Variants in NOS1 observed in about 807,000 individuals in gnomAD.
NOS1 encodes the protein NOS type I.
NOS1 carries 51 observed loss-of-function variants against 164.5 expected under a neutral mutation model. The observed-to-expected ratio is 0.31, with a 90% confidence interval of 0.25 to 0.39. The LOEUF (loss-of-function observed/expected upper bound fraction) is 0.39. NOS1 is among the 10% of genes least tolerant of loss of function. The pLI, the probability that NOS1 is intolerant of heterozygous loss-of-function variation, is 1.00. For missense variants in NOS1, 1,362 were observed against 1,885.6 expected (o/e 0.72, Z 5.14); for synonymous variants, 719 against 745.8 (o/e 0.96, Z 0.59).
rs975982202 is a variant in NOS1 at position 117,213,587 on chromosome 12, T to C, written c.*1722A>G. 3 of 985,382 alleles carry C rather than the reference T, an allele frequency of 3.0e-6. No homozygotes were observed. The highest frequency in any genetic ancestry group is 3.6e-6 in the Non-Finnish European group (3 of 829,970). 61.0% of individuals were successfully genotyped at this position (985,382 alleles called of 1,614,324 possible). The stretch of plus-strand genomic sequence containing the variant: ...TGGCCTGGGCCCTTTGGGGTCTTGG[T>C]GCCCCCACTGTAAAGCCCTTTCAAA... On this transcript the variant is annotated 3_prime_UTR_variant, in exon 29 of 29. Transcript: ENST00000317775.
At chr12:117,215,959 C>A (rs2135916206) in intron 28 of NOS1, among the ~76,000 whole-genome samples, 1 of 146,872 alleles carries the variant, frequency 6.8e-6, no homozygotes, top group African/African-American at 2.5e-5. Flanking sequence ...CTGGCTGCAA[C>A]CTCTGCCTCC....
In NOS1 at chr12:117,213,701, C is replaced by T; in HGVS notation, c.*1608G>A. 2 of 985,414 alleles carry T rather than the reference C, an allele frequency of 2.0e-6. No individual in the cohort carries two copies. Among genetic ancestry groups the T allele is most frequent in the Non-Finnish European group, 2.4e-6 (2 of 829,932 alleles). 61.0% of individuals were successfully genotyped at this position (985,414 alleles called of 1,614,324 possible). On this transcript the variant is annotated 3_prime_UTR_variant, in exon 29 of 29. Coordinates refer to ENST00000317775, the MANE Select transcript of NOS1 (RefSeq NM_000620.5). ...AGTATATAAAAGAAATGTGGTTTTT[C>T]TGTATAGCAAGACACAACAAACAGG...
In NOS1 at chr12:117,330,732, C is replaced by A; in HGVS notation, c.338G>T (p.Gly113Val). The A allele has an allele frequency of 1.2e-6, 2 of 1,614,032 alleles. No homozygotes were observed. The highest frequency in any genetic ancestry group is 1.1e-5 in the South Asian group (1 of 91,080). Residue 113 changes from glycine to valine, a missense_variant, in exon 2 of 29, where the codon GGT (glycine) becomes GTT (valine). Transcript: ENST00000317775. This position sits in a 1 kb window ranked among gnomAD's most constrained non-coding sequence, Gnocchi z 4.6. ...FTTHLETTFT[G>V]DGTPKTIRVT... ...CCGGATGGTCTTGGGGGTCCCATCA[C>A]CTGTAAAGGTGGTCTCCAGGTGCGT...
At chr12:117,302,018 G>A (rs191224457) in intron 3 of NOS1, 137 of 456,708 alleles carry the variant, frequency 3.0e-4, no homozygotes, top group Non-Finnish European at 4.8e-4. Flanking sequence ...ACACTTACTG[G>A]TTATGTGACC....
chr12:117,277,526 C>A (rs1192332357), intron 9 of NOS1, among the ~76,000 whole-genome samples: 1 of 151,728 alleles, frequency 6.6e-6, no homozygotes, highest in Non-Finnish European at 1.5e-5. Flanking sequence ...CCCAGCAGGT[C>A]GAGGCTGCAA....
chr12:117,223,418 C>T (rs12322448), intron 25 of NOS1, among the ~76,000 whole-genome samples: 6,193 of 150,838 alleles, frequency 0.041, 407 homozygotes, highest in African/African-American at 0.14. Context: ...CCTGCAACCG[C>T]GCCTGGCTAA....
chr12:117,268,463 C>T (rs1026673691), intron 10 of NOS1, among the ~76,000 whole-genome samples: 1 of 152,144 alleles, frequency 6.6e-6, no homozygotes, highest in Non-Finnish European at 1.5e-5. Context: ...AACTCCTGGC[C>T]TCAAGTGATC....
In NOS1 at chr12:117,335,729, T is replaced by TGAGAGAGAGAGAGAGAGAGAGAGA. The variant is rs60613906; in HGVS notation, c.-420-4264_-420-4241dup. Among the ~76,000 whole-genome samples the TGAGAGAGAGAGAGAGAGAGAGAGA allele has an allele frequency of 7.3e-3, 820 of 112,504 alleles. 56 individuals are homozygous for TGAGAGAGAGAGAGAGAGAGAGAGA. The highest frequency in any genetic ancestry group is 0.013 in the Middle Eastern group (3 of 232). The allele number at this position is 112,504 out of a possible 152,430, so 73.8% of individuals were successfully genotyped here. A position where few individuals can be genotyped will look rare whatever the true frequency, so the allele number is the denominator to read the frequency against. ...TTTTATTTAATTGTTACAGACTATA[T>TGAGAGAGAGAGAGAGAGAGAGAGA]GAGAGAGAGAGAGAGAGAGAGAGAG... On this transcript the variant is annotated intron_variant, in intron 1 of 28. Coordinates refer to ENST00000317775, the MANE Select transcript of NOS1 (RefSeq NM_000620.5).
At chr12:117,246,216 T>C (rs1429947582) in intron 18 of NOS1, 1 of 155,336 alleles carries the variant, frequency 6.4e-6, no homozygotes, top group African/African-American at 2.4e-5. Context: ...AGTGGTTTCC[T>C]GGTGAGGTGG....
intron 24 of NOS1, 59 bp downstream of exon 24, chr12:117,226,624 T>C (rs1868698747): frequency 1.3e-6 from 2 of 1,515,974 alleles, no homozygotes; most frequent in Non-Finnish European, 1.8e-6. Context: ...CTACCCCAAC[T>C]TGTGACGTCA....
intron 25 of NOS1, among the ~76,000 whole-genome samples, chr12:117,224,605 A>C (rs1180276488): frequency 6.6e-6 from 1 of 152,174 alleles, no homozygotes; most frequent in Non-Finnish European, 1.5e-5. Flanking sequence ...TGTTTAACGC[A>C]TGCCACAATT....
chr12:117,350,641 T>C (rs1482300002), intron 1 of NOS1, among the ~76,000 whole-genome samples: 1 of 152,250 alleles, frequency 6.6e-6, no homozygotes, highest in Non-Finnish European at 1.5e-5. Flanking sequence ...CATTCCAGGA[T>C]GTCCCAACTC....
intron 2 of NOS1, among the ~76,000 whole-genome samples, chr12:117,326,022 A>G (rs1304442235): frequency 6.6e-6 from 1 of 152,176 alleles, no homozygotes; most frequent in Non-Finnish European, 1.5e-5. Flanking sequence ...TCCAGTTAGT[A>G]AAGACATTTA....
intron 18 of NOS1, among the ~76,000 whole-genome samples, chr12:117,246,657 A>G (rs1870640496): frequency 6.6e-6 from 1 of 152,022 alleles, no homozygotes; most frequent in Non-Finnish European, 1.5e-5. Flanking sequence ...ACCCCTAGCA[A>G]CCACTAACCT....
chr12:117,312,582 A>T (rs1874484817), intron 2 of NOS1, among the ~76,000 whole-genome samples: 1 of 149,042 alleles, frequency 6.7e-6, no homozygotes, highest in Admixed American at 6.7e-5. Flanking sequence ...TGTCTGCCTA[A>T]TTTTTTTTTT....
intron 27 of NOS1, among the ~76,000 whole-genome samples, chr12:117,219,463 T>C (rs1200840314): frequency 6.6e-6 from 1 of 152,072 alleles, no homozygotes; most frequent in Non-Finnish European, 1.5e-5. Context: ...CCCGCCACCA[T>C]AGCCAGCTAA....
At chr12:117,255,900 C>T (rs776464275) in intron 16 of NOS1, 16 of 1,337,878 alleles carry the variant, frequency 1.2e-5, no homozygotes, top group African/African-American at 6.2e-5. Context: ...TGCATACACT[C>T]GCACACACCT....
chr12:117,225,951 C>A (rs573645241), intron 24 of NOS1, among the ~76,000 whole-genome samples: 1 of 152,100 alleles, frequency 6.6e-6, no homozygotes, highest in Admixed American at 6.5e-5. Flanking sequence ...TTTAACCAAC[C>A]GTGAAATCTT....
intron 7 of NOS1, among the ~76,000 whole-genome samples, chr12:117,282,652 G>C (rs1394171060): frequency 6.6e-6 from 1 of 152,178 alleles, no homozygotes; most frequent in Non-Finnish European, 1.5e-5. Flanking sequence ...TAGAATCCAG[G>C]CTGGAGGCCA....
Sources: allele counts gnomAD v4.1 joint callset (sites outside exome capture counted in the v4.1 genomes callset), GRCh38; gene constraint gnomAD v4.1.1; non-coding constraint Gnocchi (gnomAD v3.1); transcripts MANE v1.5; gene names NCBI Gene and HGNC (gene_info 2026-07-23, HGNC 2026-07-21).